Variants in SRPK2 observed in about 807,000 individuals in gnomAD.
The protein encoded by SRPK2 is SFRS protein kinase 2.
In SRPK2, 21 loss-of-function variants were observed where a neutral mutation model predicts 90.8. The ratio of observed to expected loss-of-function variants is 0.23; its 90% CI spans 0.16 to 0.33. SRPK2 has a LOEUF of 0.33. Ranked by LOEUF, SRPK2 falls within the 10% of genes least tolerant of loss-of-function variation. The pLI is 1.00. For missense variants in SRPK2, 620 were observed against 869.0 expected (o/e 0.71, Z 3.60); for synonymous variants, 288 against 311.1 (o/e 0.93, Z 0.78).
intron 11 of SRPK2, among the ~76,000 whole-genome samples, chr7:105,136,377 G>A (rs1314360209): frequency 6.6e-6 from 1 of 152,168 alleles, no homozygotes; most frequent in Non-Finnish European, 1.5e-5. Flanking sequence ...TCCTCTGACT[G>A]AGTCACCACA....
chr7:105,227,455 G>A (rs1798850427), intron 2 of SRPK2, among the ~76,000 whole-genome samples: 1 of 152,098 alleles, frequency 6.6e-6, no homozygotes, highest in Non-Finnish European at 1.5e-5. Context: ...AGACATACAA[G>A]TAGCCAAAAA....
At chr7:105,296,875 G>C (rs1228316049) in intron 2 of SRPK2, among the ~76,000 whole-genome samples, 1 of 152,136 alleles carries the variant, frequency 6.6e-6, no homozygotes, top group East Asian at 1.9e-4. Flanking sequence ...AAAGCAGAGA[G>C]GTTAAATAGC....
intron 2 of SRPK2, among the ~76,000 whole-genome samples, chr7:105,293,820 C>G (rs1176322112): frequency 6.6e-6 from 1 of 152,152 alleles, no homozygotes. Flanking sequence ...GAACTGGGCC[C>G]CAGATCTTTC....
intron 2 of SRPK2, among the ~76,000 whole-genome samples, chr7:105,219,104 T>A (rs1797798705): frequency 1.3e-5 from 2 of 152,094 alleles, no homozygotes; most frequent in South Asian, 4.1e-4. Context: ...TTCTGGGGGA[T>A]GATGCTGGAG....
At chr7:105,306,484 C>CAA (rs376513804) in intron 2 of SRPK2, 3 of 395,770 alleles carry the variant, frequency 7.6e-6, no homozygotes, top group South Asian at 1.9e-5. Flanking sequence ...TTGAACCAGG[C>CAA]AAAAAAAAAA....
At chr7:105,203,826 C>T (rs1585163032) in intron 2 of SRPK2, 41 bp from the exon 3 acceptor site, 1 of 1,550,028 alleles carries the variant, frequency 6.5e-7, no homozygotes. Flanking sequence ...CTTAGAAGTA[C>T]ATCTTGCATT....
At chr7:105,265,583 T>C (rs1804947344) in intron 2 of SRPK2, among the ~76,000 whole-genome samples, 1 of 152,138 alleles carries the variant, frequency 6.6e-6, no homozygotes, top group Non-Finnish European at 1.5e-5. Flanking sequence ...GTGCTCTAGC[T>C]AAGAAAGGGC....
At chr7:105,163,478 C>T (rs1340020473) in intron 6 of SRPK2, among the ~76,000 whole-genome samples, 1 of 151,880 alleles carries the variant, frequency 6.6e-6, no homozygotes, top group African/African-American at 2.4e-5. Context: ...CAGCGGCAGA[C>T]CATTTGCATC....
intron 3 of SRPK2, among the ~76,000 whole-genome samples, chr7:105,201,949 C>T (rs989541349): frequency 2.0e-5 from 3 of 152,144 alleles, no homozygotes; most frequent in African/African-American, 7.2e-5. Context: ...TGGGCCTCAG[C>T]AGAAAAATCG....
intron 2 of SRPK2, among the ~76,000 whole-genome samples, chr7:105,319,640 TG>T (rs1011638874): frequency 5.9e-5 from 9 of 151,930 alleles, no homozygotes; most frequent in Non-Finnish European, 1.3e-4. Context: ...TAAGTCCTTG[TG>T]GAGGATCCAT....
chr7:105,349,510 G>A (rs1170624118), intron 2 of SRPK2, among the ~76,000 whole-genome samples: 1 of 131,410 alleles, frequency 7.6e-6, no homozygotes, highest in African/African-American at 2.9e-5. Context: ...CAACAAGAGT[G>A]AAACTCCATC....
intron 2 of SRPK2, among the ~76,000 whole-genome samples, chr7:105,223,002 G>GA (rs1370212080): frequency 1.3e-5 from 2 of 152,070 alleles, no homozygotes; most frequent in Non-Finnish European, 2.9e-5. Flanking sequence ...AAATGACACA[G>GA]AAAAAACTTT....
chr7:105,189,034 G>A (rs1343430516), intron 3 of SRPK2, among the ~76,000 whole-genome samples: 1 of 152,144 alleles, frequency 6.6e-6, no homozygotes, highest in Admixed American at 6.5e-5. Context: ...GTTAATTGTC[G>A]ACACTTTCTA....
intron 2 of SRPK2, among the ~76,000 whole-genome samples, chr7:105,213,660 A>G (rs1374908424): frequency 6.6e-6 from 1 of 152,244 alleles, no homozygotes; most frequent in Non-Finnish European, 1.5e-5. Flanking sequence ...AGATATACAT[A>G]TAAGAAGAAC....
At chr7:105,212,674 A>G (rs1797000940) in intron 2 of SRPK2, among the ~76,000 whole-genome samples, 1 of 152,222 alleles carries the variant, frequency 6.6e-6, no homozygotes, top group African/African-American at 2.4e-5. Flanking sequence ...CAAAAAACAT[A>G]TGAAATTAGA....
intron 1 of SRPK2, among the ~76,000 whole-genome samples, chr7:105,395,597 G>A (rs117738028): frequency 4.1e-4 from 63 of 152,188 alleles, no homozygotes; most frequent in Non-Finnish European, 7.4e-4. Flanking sequence ...GGGTATGGTT[G>A]TGCACCCCTG....
intron 2 of SRPK2, among the ~76,000 whole-genome samples, chr7:105,235,730 A>T (rs2299314): frequency 0.19 from 27,616 of 144,386 alleles, 3,158 homozygotes; most frequent in East Asian, 0.58. Flanking sequence ...AAATATCTTT[A>T]AAAAAAAAAC....
rs139772496 is a variant in SRPK2, at chr7:105,384,881, CT to C, written c.71+3766del. On this transcript the variant is annotated intron_variant, in intron 2 of 15. Transcript: ENST00000393651. The stretch of plus-strand genomic sequence containing the variant: ...CACAATCTATTCTCCACATAGCAAC[CT>C]TTTTTTTTTTTTGAGACGGAGTCTG... Among the ~76,000 whole-genome samples, 875 of 145,198 alleles carry C rather than the reference CT, an allele frequency of 6.0e-3. 11 individuals carry two copies. Among genetic ancestry groups the C allele is most frequent in the East Asian group, 0.057 (282 of 4,918 alleles).
At chr7:105,388,922 G>GCGCCGC (rs754679660), upstream of SRPK2, 46 of 1,203,596 alleles carry the variant, frequency 3.8e-5, no homozygotes, top group African/African-American at 1.1e-4. Context: ...AACCGCGCCT[G>GCGCCGC]CGCCGCCGCC....
Sources: allele counts gnomAD v4.1 joint callset (sites outside exome capture counted in the v4.1 genomes callset), GRCh38; gene constraint gnomAD v4.1.1; transcripts MANE v1.5; gene names NCBI Gene and HGNC (gene_info 2026-07-23, HGNC 2026-07-21).